IQSEC1: variants seen among roughly 807,000 people sequenced by gnomAD.
The protein encoded by IQSEC1 is IQ motif and SEC7 domain-containing protein 1.
Under a neutral mutation model 91.0 loss-of-function variants are expected in IQSEC1, and 31 were observed. The observed-to-expected ratio is 0.34, with a 90% CI of 0.26 to 0.46. The LOEUF (loss-of-function observed/expected upper bound fraction) is 0.46. Ranked by LOEUF, IQSEC1 falls within the 20% of genes least tolerant of loss-of-function variation. The probability of loss-of-function intolerance (pLI) is 1.00; values close to 1 mark genes in which losing one functional copy is unlikely to be tolerated. For synonymous variants in IQSEC1, 699 were observed against 662.6 expected (o/e 1.05, Z -0.84); for missense variants, 1,388 against 1,575.6 (o/e 0.88, Z 2.02).
intron 1 of IQSEC1, among the ~76,000 whole-genome samples, chr3:13,018,125 A>G (rs983916788): frequency 1.3e-5 from 2 of 152,220 alleles, no homozygotes; most frequent in African/African-American, 4.8e-5. Context: ...GGATGGTGCC[A>G]GTTCCAAGTG....
At chr3:13,129,890 C>A (rs929158813) in intron 2 of IQSEC1, among the ~76,000 whole-genome samples, 9 of 151,814 alleles carry the variant, frequency 5.9e-5, no homozygotes, top group African/African-American at 7.3e-5. Context: ...GATCTCCTGA[C>A]CTCATGATCC....
At chr3:13,156,048 G>A (rs977487961) in intron 2 of IQSEC1, among the ~76,000 whole-genome samples, 40 of 137,556 alleles carry the variant, frequency 2.9e-4, no homozygotes, top group Admixed American at 7.0e-4. Context: ...TAGAAACTCC[G>A]TCTCTACTAA....
intron 1 of IQSEC1, among the ~76,000 whole-genome samples, chr3:13,053,386 G>C (rs1394683647): frequency 6.6e-6 from 1 of 152,230 alleles, no homozygotes; most frequent in Non-Finnish European, 1.5e-5. Context: ...CCCATTCGCT[G>C]CTGTAAGAAT....
At chr3:13,122,069 T>C (rs1706434710) in intron 2 of IQSEC1, among the ~76,000 whole-genome samples, 1 of 152,086 alleles carries the variant, frequency 6.6e-6, no homozygotes, top group Non-Finnish European at 1.5e-5. Context: ...AAGGAGGCAA[T>C]AATAAGCCAA....
At chr3:12,927,572 G>A (rs955244089) in intron 3 of IQSEC1, among the ~76,000 whole-genome samples, 1 of 152,212 alleles carries the variant, frequency 6.6e-6, no homozygotes, top group Non-Finnish European at 1.5e-5. Context: ...TCCACCCTCT[G>A]ATGTGGATGT....
At position 12,900,690 on chromosome 3, in the gene IQSEC1, G is replaced by GT; in HGVS notation, c.*292dup. 1 of 1,355,312 alleles carries GT rather than the reference G, an allele frequency of 7.4e-7. No homozygotes were observed. Among genetic ancestry groups the GT allele is most frequent in the Non-Finnish European group, 9.5e-7 (1 of 1,052,640 alleles). The allele number at this position is 1,355,312 out of a possible 1,614,324, so 84.0% of individuals were successfully genotyped here. On this transcript the variant is annotated 3_prime_UTR_variant, in exon 14 of 14. Coordinates refer to ENST00000613206, the MANE Select transcript of IQSEC1 (RefSeq NM_001134382.3). ...GCTGAGAGCTGGAGTGGGGGAGGCA[G>GT]TTCAACACTACTTGGCTGGCTCACC...
intron 1 of IQSEC1, among the ~76,000 whole-genome samples, chr3:13,009,477 T>TGAGCG (rs1702780225): frequency 6.6e-6 from 1 of 151,968 alleles, no homozygotes; most frequent in Non-Finnish European, 1.5e-5. Context: ...GCCCTGGCCC[T>TGAGCG]GAGCCAGGTG....
Position 12,970,900 on chromosome 3 carries a change from T to C in IQSEC1, c.24-29035A>G, listed in dbSNP as rs368027498. ...CTATGTCCTTCCCTGCAGCAGCCCCTGTGCCGACAGTGGAGCCTGGTGCAC... is the reference window on the plus strand; with the variant it reads ...CTATGTCCTTCCCTGCAGCAGCCCCCGTGCCGACAGTGGAGCCTGGTGCAC... On this transcript the variant is annotated intron_variant, in intron 1 of 13. Transcript: ENST00000613206. The surrounding 1 kb of genome is among the most constrained non-coding windows in gnomAD (Gnocchi z 4.4). Among the ~76,000 whole-genome samples, 18 of 152,358 alleles carry C rather than the reference T, an allele frequency of 1.2e-4. No homozygotes were observed. Among genetic ancestry groups the C allele is most frequent in the African/African-American group, 4.3e-4 (18 of 41,586 alleles).
chr3:13,245,135 G>A (rs1173490307), intron 1 of IQSEC1, among the ~76,000 whole-genome samples: 4 of 152,128 alleles, frequency 2.6e-5, no homozygotes, highest in Non-Finnish European at 4.4e-5. Flanking sequence ...TTGGCTGATC[G>A]AGTCTGGGCT....
chr3:12,982,066 C>T (rs1701489620), intron 1 of IQSEC1, among the ~76,000 whole-genome samples: 1 of 152,348 alleles, frequency 6.6e-6, no homozygotes, highest in Admixed American at 6.5e-5. Context: ...ACATGGGGCC[C>T]ACATGAGTTC....
chr3:13,263,526 T>C (rs1328029831), intron 1 of IQSEC1, among the ~76,000 whole-genome samples: 1 of 149,664 alleles, frequency 6.7e-6, no homozygotes. Flanking sequence ...CACTGCAACC[T>C]CCACCTCCTG....
chr3:12,916,898 A>C (rs1696150450), intron 6 of IQSEC1, among the ~76,000 whole-genome samples: 1 of 152,174 alleles, frequency 6.6e-6, no homozygotes, highest in Non-Finnish European at 1.5e-5. Context: ...GCAAGGTGCA[A>C]AGTAGCAGGG....
chr3:12,909,259 G>C lies in IQSEC1; in HGVS notation c.2578+14C>G. 9.3e-6 allele frequency: 15 copies of C among 1,613,382 alleles called. No homozygotes were observed. Among genetic ancestry groups the C allele is most frequent in the Admixed American group, 1.7e-5 (1 of 59,996 alleles). Reference sequence around the variant, plus strand: ...GCAAGTCTCGGCCTTCTGTCCATGAGGCCTGGTACTCACACTCTATCCTGT... The same window carrying C: ...GCAAGTCTCGGCCTTCTGTCCATGACGCCTGGTACTCACACTCTATCCTGT... On this transcript the variant is annotated intron_variant, in intron 11 of 13. Transcript: ENST00000613206. The surrounding 1 kb of genome is among the most constrained non-coding windows in gnomAD (Gnocchi z 4.9).
chr3:13,243,297 C>T (rs1207975422), intron 1 of IQSEC1, among the ~76,000 whole-genome samples: 1 of 152,142 alleles, frequency 6.6e-6, no homozygotes, highest in Non-Finnish European at 1.5e-5. Flanking sequence ...GGGAGAGGAT[C>T]GTCTGTCTGT....
At chr3:13,057,613 C>T (rs1022695587) in intron 1 of IQSEC1, among the ~76,000 whole-genome samples, 3 of 152,232 alleles carry the variant, frequency 2.0e-5, no homozygotes, top group Admixed American at 6.5e-5. Flanking sequence ...CGAGCACAGA[C>T]AGGAGAAGCA....
chr3:13,148,735 G>T (rs1426429333), intron 2 of IQSEC1, among the ~76,000 whole-genome samples: 46 of 152,222 alleles, frequency 3.0e-4, no homozygotes, highest in Non-Finnish European at 2.9e-5. Flanking sequence ...GCCCCTGCAG[G>T]CTTCTGAGTT....
chr3:13,151,802 C>A (rs1294393906), intron 2 of IQSEC1, among the ~76,000 whole-genome samples: 1 of 152,052 alleles, frequency 6.6e-6, no homozygotes, highest in Non-Finnish European at 1.5e-5. Context: ...CCTGTCTCTA[C>A]TAAAAATAGA....
At chr3:13,268,724 G>A (rs1456631931) in intron 1 of IQSEC1, among the ~76,000 whole-genome samples, 3 of 152,216 alleles carry the variant, frequency 2.0e-5, no homozygotes, top group Admixed American at 6.5e-5. Flanking sequence ...CTAGGGGTGT[G>A]TGCATTCCAC....
Position 12,899,194 on chromosome 3 carries a change from C to G in IQSEC1, c.*1789G>C, listed in dbSNP as rs190884624. On this transcript the variant is annotated 3_prime_UTR_variant, in exon 14 of 14. Coordinates refer to ENST00000613206, the MANE Select transcript of IQSEC1 (RefSeq NM_001134382.3). ...GATGTGAGGAGGGAAATCGGCAAAA[C>G]CCTGGCCAGCCAGCCAGCCAAGGTG... 379 of 615,898 alleles carry G rather than the reference C, an allele frequency of 6.2e-4. No individual in the cohort carries two copies. The highest frequency in any genetic ancestry group is 9.4e-4 in the Non-Finnish European group (327 of 348,238). 38.2% of individuals were successfully genotyped at this position (615,898 alleles called of 1,614,324 possible). A position where few individuals can be genotyped will look rare whatever the true frequency, so the allele number is the denominator to read the frequency against.
Sources: gnomAD v4.1 joint callset for allele counts (sites outside exome capture counted in the v4.1 genomes callset) on GRCh38, gnomAD v4.1.1 for gene constraint, Gnocchi (gnomAD v3.1) non-coding constraint, MANE v1.5 for transcripts, NCBI Gene and HGNC (gene_info 2026-07-23, HGNC 2026-07-21) for gene names.